CHRNA9: variants seen among roughly 807,000 people sequenced by gnomAD.
The protein encoded by CHRNA9 is cholinergic receptor nicotinic alpha 9 subunit.
A neutral mutation model predicts 36.8 loss-of-function variants in CHRNA9; 24 were observed. The observed-to-expected ratio is 0.65, with a 90% CI of 0.47 to 0.92. The LOEUF (loss-of-function observed/expected upper bound fraction) is 0.92. Ranked by LOEUF, CHRNA9 falls within the 40% of genes least tolerant of loss-of-function variation. The pLI, the probability that CHRNA9 is intolerant of heterozygous loss-of-function variation, is 0.00. For synonymous variants in CHRNA9, 231 were observed against 231.8 expected (o/e 1.00, Z 0.03); for missense variants, 610 against 601.2 (o/e 1.01, Z -0.15).
At chr4:40,336,981 C>G (rs1475097383) in intron 2 of CHRNA9, among the ~76,000 whole-genome samples, 1 of 151,990 alleles carries the variant, frequency 6.6e-6, no homozygotes, top group Non-Finnish European at 1.5e-5. Flanking sequence ...GATATCAATA[C>G]TAAAATATTT....
intron 3 of CHRNA9, chr4:40,347,644 C>T (rs1434111289): frequency 1.3e-5 from 2 of 151,896 alleles, no homozygotes; most frequent in African/African-American, 4.8e-5. Flanking sequence ...TGCAGAATTC[C>T]CTTATACCCT....
intron 3 of CHRNA9, among the ~76,000 whole-genome samples, chr4:40,340,899 A>G (rs921090490): frequency 9.9e-5 from 15 of 151,756 alleles, no homozygotes; most frequent in African/African-American, 3.6e-4. Flanking sequence ...TAAGGTAGAA[A>G]AAAGAGAACA....
At chr4:40,336,631 C>T (rs1353939634) in intron 2 of CHRNA9, among the ~76,000 whole-genome samples, 1 of 145,188 alleles carries the variant, frequency 6.9e-6, no homozygotes, top group Non-Finnish European at 1.5e-5. Flanking sequence ...CACCCGCCAC[C>T]ACACCCGGCT....
intron 3 of CHRNA9, among the ~76,000 whole-genome samples, chr4:40,343,163 T>A (rs1253440299): frequency 6.6e-6 from 1 of 152,194 alleles, no homozygotes; most frequent in Non-Finnish European, 1.5e-5. Context: ...GCTGGGAAAG[T>A]CATTTTCGCT....
intron 3 of CHRNA9, among the ~76,000 whole-genome samples, chr4:40,345,339 G>A (rs1712609330): frequency 6.6e-6 from 1 of 151,992 alleles, no homozygotes; most frequent in South Asian, 2.1e-4. Flanking sequence ...ATCGTATGAG[G>A]CCAGGAGCTC....
intron 2 of CHRNA9, 72 bp downstream of exon 2, chr4:40,336,044 T>C: frequency 7.6e-7 from 1 of 1,307,204 alleles, no homozygotes; most frequent in Non-Finnish European, 1.1e-6. Context: ...CTGAAGAGAA[T>C]GTCTTAACTG....
At chr4:40,336,727 G>T (rs180919058) in intron 2 of CHRNA9, among the ~76,000 whole-genome samples, 2 of 151,948 alleles carry the variant, frequency 1.3e-5, no homozygotes, top group Admixed American at 1.3e-4. Context: ...TGATTCGCCC[G>T]CCTCGGCCTC....
At chr4:40,339,163 C>T (rs1712421691) in intron 3 of CHRNA9, among the ~76,000 whole-genome samples, 1 of 150,346 alleles carries the variant, frequency 6.7e-6, no homozygotes, top group African/African-American at 2.5e-5. Flanking sequence ...CCTGTAATCC[C>T]AGCTACTTGG....
In CHRNA9 at chr4:40,354,183, A is replaced by G. The variant is rs144067832; in HGVS notation, c.1103A>G (p.Asp368Gly). The change falls in exon 5 of 5, where the codon GAC (aspartate) becomes GGC (glycine). Residue 368 changes from aspartate (D) to glycine (G), a missense_variant. By Grantham distance (94) the Asp-to-Gly change is moderately conservative (BLOSUM62 -1). Coordinates refer to ENST00000310169, the MANE Select transcript of CHRNA9 (RefSeq NM_017581.4). ...CLSPHHSRER[D>G]HLTKVYSKLP... ...AGCCCGCACCACAGTAGAGAGCGGG[A>G]CCACCTCACGAAAGTTTATAGCAAA... 4.3e-6 allele frequency: 7 copies of G among 1,614,066 alleles called. No homozygotes were observed. Among genetic ancestry groups the G allele is most frequent in the African/African-American group, 2.7e-5 (2 of 74,924 alleles).
Position 40,335,370 on chromosome 4 carries a change from G to A in CHRNA9, c.-98G>A, listed in dbSNP as rs1036882300. 61 of 901,038 alleles carry A rather than the reference G, an allele frequency of 6.8e-5. 1 individual carries two copies. Among genetic ancestry groups the A allele is most frequent in the South Asian group, 4.4e-4 (33 of 74,346 alleles). 55.8% of individuals were successfully genotyped at this position (901,038 alleles called of 1,614,324 possible). On this transcript the variant is annotated 5_prime_UTR_variant, in exon 1 of 5. Transcript: ENST00000310169. Reference sequence around the variant, plus strand: ...AGCTCTCCCGCCATAAGGCTGCAGCGGTGTGGGCTCCTTGTGCCCAGATCC... The same window carrying A: ...AGCTCTCCCGCCATAAGGCTGCAGCAGTGTGGGCTCCTTGTGCCCAGATCC...
Position 40,354,172 on chromosome 4 carries a change from T to C in CHRNA9, c.1092T>C (p.Ser364=), listed in dbSNP as rs750125060. The change falls in exon 5 of 5, where the codon AGT becomes AGC. Residue 364 remains serine, a synonymous_variant. Transcript: ENST00000310169. ...VGESCLSPHH[S]RERDHLTKVY... ...AAAGCTGCCTCAGCCCGCACCACAG[T>C]AGAGAGCGGGACCACCTCACGAAAG... 6 of 1,614,032 alleles carry C rather than the reference T, an allele frequency of 3.7e-6. No homozygotes were observed. The Admixed American group carries it at 6.7e-5, about 18-fold the overall frequency.
At chr4:40,337,766 C>A (rs887439847) in intron 3 of CHRNA9, among the ~76,000 whole-genome samples, 1 of 152,132 alleles carries the variant, frequency 6.6e-6, no homozygotes, top group Non-Finnish European at 1.5e-5. Context: ...CTGTACCAGG[C>A]CTCTCTTCTA....
At position 40,354,701 on chromosome 4, in the gene CHRNA9, A is replaced by C; in HGVS notation, c.*181A>C. On this transcript the variant is annotated 3_prime_UTR_variant, in exon 5 of 5. Coordinates refer to ENST00000310169, the MANE Select transcript of CHRNA9 (RefSeq NM_017581.4). Reference sequence around the variant, plus strand: ...TCTGTTAAATTAAGCAGAAGAACCAAAATTTCAAGGGTAGGAAGATGGAAG... The same window carrying C: ...TCTGTTAAATTAAGCAGAAGAACCACAATTTCAAGGGTAGGAAGATGGAAG... 1 of 573,732 alleles carries C rather than the reference A, an allele frequency of 1.7e-6. No homozygotes were observed. Among genetic ancestry groups the C allele is most frequent in the East Asian group, 2.9e-5 (1 of 34,534 alleles). The allele number at this position is 573,732 out of a possible 1,614,324, so 35.5% of individuals were successfully genotyped here.
chr4:40,354,690 C>A lies in CHRNA9; in HGVS notation c.*170C>A. 3.2e-6 allele frequency: 2 copies of A among 623,044 alleles called. No individual in the cohort carries two copies. Among genetic ancestry groups the A allele is most frequent in the African/African-American group, 1.8e-5 (1 of 54,720 alleles). 38.6% of individuals were successfully genotyped at this position (623,044 alleles called of 1,614,324 possible). A position where few individuals can be genotyped will look rare whatever the true frequency, so the allele number is the denominator to read the frequency against. On this transcript the variant is annotated 3_prime_UTR_variant, in exon 5 of 5. Transcript: ENST00000310169. ...AAGCTATCTGCTCTGTTAAATTAAGCAGAAGAACCAAAATTTCAAGGGTAG... is the reference window on the plus strand; with the variant it reads ...AAGCTATCTGCTCTGTTAAATTAAGAAGAAGAACCAAAATTTCAAGGGTAG...
Position 40,339,795 on chromosome 4 carries a change from T to C in CHRNA9, c.365+2431T>C, listed in dbSNP as rs180775551. Among the ~76,000 whole-genome samples, 7 of 151,966 alleles carry C rather than the reference T, an allele frequency of 4.6e-5. No individual in the cohort carries two copies. In the East Asian group the frequency reaches 1.2e-3, roughly 25 times the overall value. ...CTCCCACCTCTGCCTCCTGAGTAGC[T>C]GGGACTACAGGTGCATGCCACCATG... On this transcript the variant is annotated intron_variant, in intron 3 of 4. Transcript: ENST00000310169.
intron 4 of CHRNA9, chr4:40,350,075 G>A (rs1381460706): frequency 6.6e-6 from 1 of 152,218 alleles, no homozygotes. Context: ...CATTTCACGT[G>A]ACAAGGGCTT....
At position 40,353,465 on chromosome 4, in the gene CHRNA9, T is replaced by C. The variant is rs560751493; in HGVS notation, c.899-514T>C. 4.0e-5 allele frequency among the ~76,000 whole-genome samples: 6 copies of C among 149,882 alleles called. No individual in the cohort carries two copies. The East Asian group carries it at 1.2e-3, about 29-fold the overall frequency. ...GAGATTGCACCACTGCACTCCAGTG[T>C]GGGTGACAGAGCGAGACTCTGTCTC... On this transcript the variant is annotated intron_variant, in intron 4 of 4. Coordinates refer to ENST00000310169, the MANE Select transcript of CHRNA9 (RefSeq NM_017581.4).
chr4:40,335,556 T>C lies in CHRNA9; in HGVS notation c.64+25T>C, dbSNP rs538312093. 1.3e-5 allele frequency: 21 copies of C among 1,572,788 alleles called. No individual in the cohort carries two copies. In the Admixed American group the frequency reaches 2.8e-4, roughly 21 times the overall value. On this transcript the variant is annotated intron_variant, in intron 1 of 4. Transcript: ENST00000310169. The stretch of plus-strand genomic sequence containing the variant: ...GGTGAGAGGCTGGTGACACGTAACC[T>C]ATCTTGTCTCATCTGGGGCTATTGC...
intron 4 of CHRNA9, among the ~76,000 whole-genome samples, chr4:40,350,725 C>CACACACAT (rs1427685911): frequency 2.0e-5 from 3 of 151,514 alleles, no homozygotes; most frequent in Admixed American, 6.6e-5. Context: ...CACACACACA[C>CACACACAT]ACCTCTCTTT....
Sources: allele counts gnomAD v4.1 joint callset (sites outside exome capture counted in the v4.1 genomes callset), GRCh38; gene constraint gnomAD v4.1.1; transcripts MANE v1.5; gene names NCBI Gene and HGNC (gene_info 2026-07-23, HGNC 2026-07-21).